GLIS3: variants seen among roughly 807,000 people sequenced by gnomAD.
GLIS3 encodes the protein zinc finger protein GLIS3.
In GLIS3, 53 loss-of-function variants were observed where a neutral mutation model predicts 78.6. That is an observed-to-expected ratio of 0.67 (90% confidence interval 0.54 to 0.85). The LOEUF (loss-of-function observed/expected upper bound fraction) is 0.85, where lower values mean the gene tolerates loss of function less well. Among genes scored for constraint, GLIS3 ranks in the 40% least tolerant of loss-of-function variants. GLIS3 has a pLI of 0.00. For missense variants in GLIS3, 1,703 were observed against 1,231.1 expected, an observed-to-expected ratio of 1.38 and a Z score of -5.74; for synonymous variants, 684 against 509.9, an observed-to-expected ratio of 1.34 and a Z score of -4.60.
intron 2 of GLIS3, among the ~76,000 whole-genome samples, chr9:4,256,417 T>G (rs893638765): frequency 1.3e-5 from 2 of 152,156 alleles, no homozygotes; most frequent in Admixed American, 1.3e-4. Context: ...GAAATCCAAT[T>G]TAAAATAATA....
intron 2 of GLIS3, among the ~76,000 whole-genome samples, chr9:4,199,009 G>A (rs1312808016): frequency 1.3e-5 from 2 of 152,164 alleles, no homozygotes; most frequent in East Asian, 1.9e-4. Flanking sequence ...AAACAAGCAA[G>A]CCCTAAGGGA....
chr9:4,310,152 C>T (rs1391170813), intron 3 of GLIS3, among the ~76,000 whole-genome samples: 1 of 152,098 alleles, frequency 6.6e-6, no homozygotes, highest in Non-Finnish European at 1.5e-5. Context: ...AGGGCCAACC[C>T]AAAATAGTAC....
chr9:4,370,399 G>A, the GLIS3 span, among the ~76,000 whole-genome samples: 2 of 152,008 alleles, frequency 1.3e-5, no homozygotes, highest in Non-Finnish European at 2.9e-5. Flanking sequence ...CTCTAGCCCA[G>A]TGTTGCGTGT....
chr9:4,453,040 T>A, the GLIS3 span, among the ~76,000 whole-genome samples: 9 of 151,992 alleles, frequency 5.9e-5, no homozygotes, highest in Admixed American at 5.9e-4. Flanking sequence ...TTTGACAAAC[T>A]TGACAAAAAC....
chr9:4,408,191 C>T, the GLIS3 span, among the ~76,000 whole-genome samples: 1,329 of 152,054 alleles, frequency 8.7e-3, 20 homozygotes, highest in African/African-American at 0.03. Context: ...ACAACCACTA[C>T]GGAGAACAGC....
chr9:4,211,135 C>T (rs1379133138), intron 2 of GLIS3, among the ~76,000 whole-genome samples: 4 of 152,262 alleles, frequency 2.6e-5, no homozygotes, highest in African/African-American at 4.8e-5. Context: ...TAGCTCCATC[C>T]TGACCACATG....
At chr9:4,451,073 G>C in the GLIS3 span, among the ~76,000 whole-genome samples, 1 of 152,172 alleles carries the variant, frequency 6.6e-6, no homozygotes, top group Non-Finnish European at 1.5e-5. Context: ...AAAGTGTCAA[G>C]ATCCATCAGT....
the GLIS3 span, among the ~76,000 whole-genome samples, chr9:4,366,731 G>A: frequency 6.6e-6 from 1 of 152,342 alleles, no homozygotes; most frequent in East Asian, 1.9e-4. Context: ...GCCTAGGAGT[G>A]CCAGTAAGTT....
In GLIS3 at chr9:4,024,330, C is replaced by G. The variant is rs566885803; in HGVS notation, c.1711-87141G>C. On this transcript the variant is annotated intron_variant, in intron 4 of 10. Transcript: ENST00000381971. ...TACGAGCTGCAAATACGGCTGTCAT[C>G]ACATCAAGAATCAAAATGAAGGTCA... Among the ~76,000 whole-genome samples the G allele has an allele frequency of 7.2e-5, 11 of 152,288 alleles. No homozygotes were observed. The South Asian group carries it at 2.1e-3, about 29-fold the overall frequency.
chr9:3,943,286 G>C (rs932122233), intron 4 of GLIS3, among the ~76,000 whole-genome samples: 1 of 152,210 alleles, frequency 6.6e-6, no homozygotes, highest in Non-Finnish European at 1.5e-5. Flanking sequence ...TTAAAAAGTA[G>C]TTCATGAATC....
chr9:4,133,954 C>G (rs1192892314), intron 2 of GLIS3, among the ~76,000 whole-genome samples: 4 of 152,086 alleles, frequency 2.6e-5, no homozygotes, highest in East Asian at 3.9e-4. Flanking sequence ...TTCTCTTTCT[C>G]TCAGCTATTT....
intron 2 of GLIS3, among the ~76,000 whole-genome samples, chr9:4,338,809 C>A (rs1817793156): frequency 6.6e-6 from 1 of 152,166 alleles, no homozygotes; most frequent in African/African-American, 2.4e-5. Context: ...GGAAAAAGCA[C>A]TGTTGCTTGG....
chr9:3,918,120 C>T (rs1049790553), intron 6 of GLIS3, among the ~76,000 whole-genome samples: 1 of 152,138 alleles, frequency 6.6e-6, no homozygotes, highest in Non-Finnish European at 1.5e-5. Context: ...AAGATAGAGT[C>T]ATGTCTTTCA....
intron 2 of GLIS3, among the ~76,000 whole-genome samples, chr9:4,313,108 C>T (rs1311711698): frequency 1.3e-5 from 2 of 152,200 alleles, no homozygotes; most frequent in African/African-American, 4.8e-5. Context: ...TTCCACATAC[C>T]TGTGTAACAG....
chr9:4,366,616 T>A, the GLIS3 span, among the ~76,000 whole-genome samples: 2 of 152,212 alleles, frequency 1.3e-5, no homozygotes, highest in Non-Finnish European at 2.9e-5. Flanking sequence ...ACAAACGTTT[T>A]CCTGTAAGAG....
the GLIS3 span, among the ~76,000 whole-genome samples, chr9:4,434,369 G>C: frequency 6.6e-6 from 1 of 152,084 alleles, no homozygotes; most frequent in Non-Finnish European, 1.5e-5. Context: ...AGTATGTCCA[G>C]GTCAAAGTGG....
At chr9:4,167,111 T>C (rs1363700631) in intron 2 of GLIS3, among the ~76,000 whole-genome samples, 1 of 151,916 alleles carries the variant, frequency 6.6e-6, no homozygotes, top group East Asian at 1.9e-4. Context: ...CATGCCTAAT[T>C]AATCCCAAAC....
chr9:4,069,363 C>T (rs1827392434), intron 4 of GLIS3, among the ~76,000 whole-genome samples: 1 of 152,220 alleles, frequency 6.6e-6, no homozygotes, highest in South Asian at 2.1e-4. Context: ...TTCCAAAACT[C>T]AGGCTCAGAA....
At chr9:3,931,626 G>T (rs681080) in intron 6 of GLIS3, among the ~76,000 whole-genome samples, 100,697 of 152,016 alleles carry the variant, frequency 0.66, 34,000 homozygotes, top group East Asian at 0.92. Flanking sequence ...AAGGTAGTAA[G>T]CTCTCTGTCT....
Sources: gnomAD v4.1 joint callset for allele counts (sites outside exome capture counted in the v4.1 genomes callset) on GRCh38, gnomAD v4.1.1 for gene constraint, MANE v1.5 for transcripts, NCBI Gene and HGNC (gene_info 2026-07-23, HGNC 2026-07-21) for gene names.